The following ARHGAP22 variants were observed in gnomAD, a reference collection of about 807,000 sequenced individuals.
The protein encoded by ARHGAP22 is Rho GTPase activating protein 22, also known as rho GTPase-activating protein 22.
In ARHGAP22, 48 loss-of-function variants were observed where a neutral mutation model predicts 59.1. The ratio of observed to expected loss-of-function variants is 0.81; its 90% CI spans 0.64 to 1.03. ARHGAP22 has a LOEUF of 1.03. Among genes scored for constraint, ARHGAP22 ranks in the 50% least tolerant of loss-of-function variants. The pLI is 0.00. For synonymous variants in ARHGAP22, 445 were observed against 416.4 expected (o/e 1.07, Z -0.84); for missense variants, 1,015 against 958.7 (o/e 1.06, Z -0.78).
chr10:48,450,759 C>A lies in ARHGAP22; in HGVS notation c.1370G>T (p.Gly457Val). 1 of 1,561,436 alleles carries A rather than the reference C, an allele frequency of 6.4e-7. No individual in the cohort carries two copies. The change falls in exon 9 of 10, where the codon GGC becomes GTC. Residue 457 changes from glycine to valine, a missense_variant. Gly to Val is a moderately radical substitution (Grantham distance 109). Transcript: ENST00000249601. ...CAGCCCGTTCATAAGCCAGTTCCCG[C>A]CGGAGGAGATGATGGGCACCTCCAG... Reference protein sequence around the residue: ...SSLEVPIISSGGNWLMNGLSS... With the variant: ...SSLEVPIISSVGNWLMNGLSS...
chr10:48,481,400 A>G (rs4080664), intron 3 of ARHGAP22, among the ~76,000 whole-genome samples: 115,258 of 152,038 alleles, frequency 0.76, 46,368 homozygotes, highest in Non-Finnish European at 0.9. Flanking sequence ...ATATCTCAAG[A>G]TGACTTGGAA....
chr10:48,617,760 C>A (rs970902723), intron 1 of ARHGAP22, among the ~76,000 whole-genome samples: 1 of 151,822 alleles, frequency 6.6e-6, no homozygotes, highest in African/African-American at 2.4e-5. Flanking sequence ...TCAAATAAAC[C>A]TAGTAATGCC....
At chr10:48,601,709 T>C (rs1019133298) in intron 1 of ARHGAP22, among the ~76,000 whole-genome samples, 1 of 152,224 alleles carries the variant, frequency 6.6e-6, no homozygotes, top group African/African-American at 2.4e-5. Context: ...AGGTATGTTA[T>C]ATATGATAAT....
chr10:48,584,619 G>A (rs1277403907), intron 1 of ARHGAP22, among the ~76,000 whole-genome samples: 1 of 152,240 alleles, frequency 6.6e-6, no homozygotes, highest in Non-Finnish European at 1.5e-5. Flanking sequence ...ACAGACGTAA[G>A]TCATGGTGGT....
the ARHGAP22 span, chr10:48,437,812 C>T: frequency 6.6e-6 from 1 of 152,266 alleles, no homozygotes; most frequent in East Asian, 1.9e-4. Flanking sequence ...AGCCTACACA[C>T]AACCCCCTTA....
At chr10:48,595,969 C>T (rs994816907) in intron 1 of ARHGAP22, among the ~76,000 whole-genome samples, 2 of 152,270 alleles carry the variant, frequency 1.3e-5, no homozygotes, top group Non-Finnish European at 2.9e-5. Flanking sequence ...TCCATTCCTG[C>T]CCCCAGGAGT....
intron 1 of ARHGAP22, among the ~76,000 whole-genome samples, chr10:48,585,313 C>A (rs558870801): frequency 6.6e-6 from 1 of 152,300 alleles, no homozygotes; most frequent in Non-Finnish European, 1.5e-5. Context: ...TGTTTGATCA[C>A]CAATAAATGG....
chr10:48,437,247 C>T, the ARHGAP22 span: 1 of 152,118 alleles, frequency 6.6e-6, no homozygotes, highest in Non-Finnish European at 1.5e-5. Context: ...ATGTTGCATG[C>T]CCTAGGTTTT....
rs186408942 is a variant in ARHGAP22, at chr10:48,522,986, G to A, written c.322+32477C>T. On this transcript the variant is annotated intron_variant, in intron 3 of 9. Transcript: ENST00000249601. Reference sequence around the variant, plus strand: ...TAGTTAAGTATTATATATGTTATAAGCTACTTCAAACCCTTTGTGAAACCA... The same window carrying A: ...TAGTTAAGTATTATATATGTTATAAACTACTTCAAACCCTTTGTGAAACCA... Among the ~76,000 whole-genome samples, 255 of 152,332 alleles carry A rather than the reference G, an allele frequency of 1.7e-3. 2 individuals are homozygous for A. The highest frequency in any genetic ancestry group is 5.9e-3 in the African/African-American group (244 of 41,568).
chr10:48,474,776 A>G (rs138417583), intron 4 of ARHGAP22, among the ~76,000 whole-genome samples: 58 of 152,342 alleles, frequency 3.8e-4, no homozygotes, highest in African/African-American at 1.1e-3. Context: ...TTCAGACATT[A>G]AATCACCCTT....
chr10:48,446,406 G>A lies in ARHGAP22; in HGVS notation c.2082C>T (p.Ala694=), dbSNP rs769463975. 1 of 1,614,094 alleles carries A rather than the reference G, an allele frequency of 6.2e-7. No individual in the cohort carries two copies. Among genetic ancestry groups the A allele is most frequent in the African/African-American group, 1.3e-5 (1 of 75,042 alleles). Residue 694 remains alanine, a synonymous_variant, in exon 10 of 10, where the codon GCC becomes GCT. Transcript: ENST00000249601. The part of the protein sequence containing the change: ...LGSLTVGAKG[A]RAPK ...GCCATTCCTTTTACTTTGGGGCCCT[G>A]GCACCTTTTGCCCCAACAGTCAAGC...
At chr10:48,556,903 C>A (rs1182173159) in intron 2 of ARHGAP22, among the ~76,000 whole-genome samples, 2 of 152,152 alleles carry the variant, frequency 1.3e-5, no homozygotes, top group East Asian at 3.8e-4. Flanking sequence ...AGAGTACACA[C>A]CCCCAATATT....
At chr10:48,442,731 A>AC (rs2045232230), downstream of ARHGAP22, among the ~76,000 whole-genome samples, 1 of 152,212 alleles carries the variant, frequency 6.6e-6, no homozygotes, top group African/African-American at 2.4e-5. Context: ...CAGTGGACAG[A>AC]CATTTATCAA....
intron 3 of ARHGAP22, among the ~76,000 whole-genome samples, chr10:48,490,539 C>T (rs921282207): frequency 6.6e-6 from 1 of 152,204 alleles, no homozygotes; most frequent in Admixed American, 6.5e-5. Context: ...ACAATTCTAT[C>T]ATCCTGTGAC....
intron 3 of ARHGAP22, among the ~76,000 whole-genome samples, chr10:48,537,233 A>C (rs889815228): frequency 5.9e-5 from 9 of 152,220 alleles, no homozygotes; most frequent in Admixed American, 2.6e-4. Flanking sequence ...GCTCTGGTGC[A>C]TCAGCCAGAG....
intron 3 of ARHGAP22, among the ~76,000 whole-genome samples, chr10:48,534,666 A>G (rs575712014): frequency 2.0e-5 from 3 of 152,362 alleles, no homozygotes; most frequent in African/African-American, 4.8e-5. Context: ...AATCCCTGCA[A>G]GAACCCTATC....
chr10:48,640,282 A>G (rs1208139552), intron 1 of ARHGAP22, among the ~76,000 whole-genome samples: 1 of 152,198 alleles, frequency 6.6e-6, no homozygotes, highest in Non-Finnish European at 1.5e-5. Context: ...AGACAGGAGG[A>G]GACAAAAAAG....
intron 4 of ARHGAP22, among the ~76,000 whole-genome samples, chr10:48,462,005 A>G (rs2133821792): frequency 6.6e-6 from 1 of 152,220 alleles, no homozygotes; most frequent in South Asian, 2.1e-4. Flanking sequence ...ACCCTGCTTG[A>G]CCCAAAAACA....
chr10:48,604,101 T>C (rs2060540061), intron 1 of ARHGAP22, among the ~76,000 whole-genome samples: 1 of 152,234 alleles, frequency 6.6e-6, no homozygotes. Context: ...TCTAGCCCCA[T>C]ACAGTGGCCA....
Sources: gnomAD v4.1 joint callset for allele counts (sites outside exome capture counted in the v4.1 genomes callset) on GRCh38, gnomAD v4.1.1 for gene constraint, MANE v1.5 for transcripts, NCBI Gene and HGNC (gene_info 2026-07-23, HGNC 2026-07-21) for gene names.